Variants in TEAD1 observed in about 807,000 individuals in gnomAD.
TEAD1 encodes transcriptional enhancer factor TEF-1.
Under a neutral mutation model 54.9 loss-of-function variants are expected in TEAD1, and 9 were observed. The observed-to-expected ratio is 0.16, with a 90% CI of 0.10 to 0.29. TEAD1 has a LOEUF of 0.29. Among genes scored for constraint, TEAD1 ranks in the 10% least tolerant of loss-of-function variants. The pLI, the probability that TEAD1 is intolerant of heterozygous loss-of-function variation, is 1.00. For missense variants in TEAD1, 387 were observed against 535.9 expected (o/e 0.72, Z 2.74); for synonymous variants, 200 against 187.8 (o/e 1.07, Z -0.53).
chr11:12,807,237 G>A (rs1048781664), intron 3 of TEAD1, among the ~76,000 whole-genome samples: 2 of 152,190 alleles, frequency 1.3e-5, no homozygotes, highest in Non-Finnish European at 2.9e-5. Flanking sequence ...CAAGGAAAGT[G>A]CAGCTGGTCA....
At chr11:12,772,782 T>C (rs1318125565) in intron 3 of TEAD1, among the ~76,000 whole-genome samples, 1 of 152,156 alleles carries the variant, frequency 6.6e-6, no homozygotes, top group Non-Finnish European at 1.5e-5. Context: ...CACAACCCAG[T>C]GATACGACTC....
chr11:12,706,749 C>G (rs1353511810), intron 2 of TEAD1, among the ~76,000 whole-genome samples: 1 of 152,164 alleles, frequency 6.6e-6, no homozygotes, highest in Non-Finnish European at 1.5e-5. Context: ...GATGGGCTAG[C>G]CCTGATGCAC....
chr11:12,770,371 A>G (rs774307976), intron 3 of TEAD1, among the ~76,000 whole-genome samples: 21 of 152,228 alleles, frequency 1.4e-4, no homozygotes, highest in African/African-American at 4.6e-4. Context: ...TTACCAAGTT[A>G]TGCTTTCCAA....
intron 8 of TEAD1, among the ~76,000 whole-genome samples, chr11:12,882,164 GGTTT>G (rs1380124475): frequency 6.6e-6 from 1 of 152,110 alleles, no homozygotes; most frequent in African/African-American, 2.4e-5. Context: ...CTTTTCAGAT[GGTTT>G]GTTTAAGAAA....
intron 9 of TEAD1, among the ~76,000 whole-genome samples, chr11:12,891,319 C>T (rs1948193067): frequency 6.6e-6 from 1 of 152,212 alleles, no homozygotes; most frequent in Admixed American, 6.5e-5. Flanking sequence ...CTAATTTGTG[C>T]TTCAGGAACA....
At chr11:12,916,825 GA>G (rs1948721949) in intron 10 of TEAD1, among the ~76,000 whole-genome samples, 1 of 152,196 alleles carries the variant, frequency 6.6e-6, no homozygotes, top group Admixed American at 6.5e-5. Context: ...TGAATCTTGG[GA>G]AGCAAACAGA....
intron 2 of TEAD1, among the ~76,000 whole-genome samples, chr11:12,738,150 G>A (rs1944574442): frequency 6.6e-6 from 1 of 152,258 alleles, no homozygotes; most frequent in South Asian, 2.1e-4. Context: ...TGAGATTTGG[G>A]TGGGTACACA....
intron 2 of TEAD1, among the ~76,000 whole-genome samples, chr11:12,700,893 C>T (rs1943685997): frequency 6.6e-6 from 1 of 152,216 alleles, no homozygotes; most frequent in Non-Finnish European, 1.5e-5. Flanking sequence ...ATCACAGTCG[C>T]TCCACTGCAG....
intron 10 of TEAD1, among the ~76,000 whole-genome samples, chr11:12,911,309 C>T (rs377124510): frequency 4.6e-4 from 70 of 152,238 alleles, no homozygotes; most frequent in African/African-American, 1.6e-3. Flanking sequence ...ACAGACCCCA[C>T]CCCCATTGGA....
At chr11:12,832,722 A>G (rs532138399) in intron 3 of TEAD1, among the ~76,000 whole-genome samples, 5 of 152,252 alleles carry the variant, frequency 3.3e-5, no homozygotes, top group East Asian at 1.9e-4. Context: ...ATGATGCAGA[A>G]CACTCATTCC....
chr11:12,698,159 C>T (rs539554441), intron 2 of TEAD1, among the ~76,000 whole-genome samples: 1 of 152,206 alleles, frequency 6.6e-6, no homozygotes, highest in African/African-American at 2.4e-5. Flanking sequence ...AGAGCTTTTT[C>T]AGTCGGGTAA....
intron 3 of TEAD1, among the ~76,000 whole-genome samples, chr11:12,812,182 C>G (rs1946316138): frequency 6.6e-6 from 1 of 151,980 alleles, no homozygotes; most frequent in Admixed American, 6.6e-5. Flanking sequence ...TGGTTGTGGA[C>G]TGAGAAAATT....
chr11:12,925,360 G>A (rs1288791980), intron 11 of TEAD1, among the ~76,000 whole-genome samples: 1 of 152,136 alleles, frequency 6.6e-6, no homozygotes, highest in Admixed American at 6.5e-5. Context: ...CAGGAGAAAG[G>A]TGGGTGGGAA....
intron 2 of TEAD1, among the ~76,000 whole-genome samples, chr11:12,702,500 C>A (rs1490128571): frequency 6.6e-6 from 1 of 152,128 alleles, no homozygotes; most frequent in Admixed American, 6.5e-5. Context: ...GGATAAGAAT[C>A]GTTAGCCCCA....
intron 3 of TEAD1, among the ~76,000 whole-genome samples, chr11:12,836,995 G>A (rs1472296839): frequency 6.6e-6 from 1 of 152,190 alleles, no homozygotes; most frequent in Non-Finnish European, 1.5e-5. Flanking sequence ...AGCGCAAGTT[G>A]ATTAATGATG....
intron 3 of TEAD1, among the ~76,000 whole-genome samples, chr11:12,860,059 G>C (rs1589933341): frequency 6.6e-6 from 1 of 152,186 alleles, no homozygotes; most frequent in Admixed American, 6.5e-5. Context: ...ATGGTCACAG[G>C]ATGGTGTGTG....
chr11:12,676,874 A>G (rs943468608), intron 2 of TEAD1, among the ~76,000 whole-genome samples: 2 of 152,232 alleles, frequency 1.3e-5, no homozygotes, highest in Non-Finnish European at 2.9e-5. Context: ...ATGATAAGCT[A>G]TATCCATTAC....
At chr11:12,784,312 A>T (rs535211161) in intron 3 of TEAD1, among the ~76,000 whole-genome samples, 1 of 152,080 alleles carries the variant, frequency 6.6e-6, no homozygotes. Context: ...TTTGAGTTGT[A>T]TGGAGTTTGC....
intron 10 of TEAD1, among the ~76,000 whole-genome samples, chr11:12,915,575 TGGTGGCCCACGCGTATA>T (rs1948696713): frequency 6.6e-6 from 1 of 152,224 alleles, no homozygotes; most frequent in Non-Finnish European, 1.5e-5. Context: ...TGGCTGGGCA[TGGTGGCCCACGCGTATA>T]ATCCCAGCAC....
Sources: gnomAD v4.1 joint callset for allele counts (sites outside exome capture counted in the v4.1 genomes callset) on GRCh38, gnomAD v4.1.1 for gene constraint, MANE v1.5 for transcripts, NCBI Gene and HGNC (gene_info 2026-07-23, HGNC 2026-07-21) for gene names.